ZNF365: variants seen among roughly 807,000 people sequenced by gnomAD.
The protein encoded by ZNF365 is protein ZNF365.
In ZNF365, 22 loss-of-function variants were observed where a neutral mutation model predicts 35.0. The ratio of observed to expected loss-of-function variants is 0.63; its 90% CI spans 0.45 to 0.90. ZNF365 has a LOEUF of 0.90. Among genes scored for constraint, ZNF365 ranks in the 40% least tolerant of loss-of-function variants. The pLI is 0.00. For missense variants in ZNF365, 448 were observed against 500.3 expected (o/e 0.90, Z 1.00); for synonymous variants, 188 against 196.2 (o/e 0.96, Z 0.35).
chr10:62,397,556 G>C (rs1479235644), intron 3 of ZNF365, among the ~76,000 whole-genome samples: 1 of 152,168 alleles, frequency 6.6e-6, no homozygotes, highest in Non-Finnish European at 1.5e-5. Flanking sequence ...CTATACACTG[G>C]ATGGTGACAT....
downstream of ZNF365, among the ~76,000 whole-genome samples, chr10:62,406,625 T>A (rs1197466501): frequency 6.6e-6 from 1 of 152,120 alleles, no homozygotes; most frequent in East Asian, 1.9e-4. Flanking sequence ...TTCTTCCAGC[T>A]GGGGAGGATC....
chr10:62,468,606 G>A (rs538742106), intron 4 of ZNF365, among the ~76,000 whole-genome samples: 1 of 152,250 alleles, frequency 6.6e-6, no homozygotes, highest in South Asian at 2.1e-4. Flanking sequence ...AGTTTATGAG[G>A]ACAATGCCCC....
At chr10:62,434,435 T>C (rs1840377685) in intron 3 of ZNF365, among the ~76,000 whole-genome samples, 1 of 152,188 alleles carries the variant, frequency 6.6e-6, no homozygotes, top group Non-Finnish European at 1.5e-5. Context: ...AAGGACTGTG[T>C]GTTGTCCCTG....
At chr10:62,431,042 GGGGAAAACCAAAGCAGTT>G (rs1235156807) in intron 3 of ZNF365, among the ~76,000 whole-genome samples, 4 of 152,154 alleles carry the variant, frequency 2.6e-5, no homozygotes, top group Non-Finnish European at 5.9e-5. Context: ...TTTAGCCAAA[GGGGAAAACCAAAGCAGTT>G]GGTAAAAGTC....
At chr10:62,418,486 C>T in intron 3 of ZNF365, among the ~76,000 whole-genome samples, 1 of 151,886 alleles carries the variant, frequency 6.6e-6, no homozygotes, top group East Asian at 1.9e-4. Context: ...TGTGCAGCAA[C>T]CAATCAGAAG....
rs1839820749 is a variant in ZNF365, at chr10:62,401,127, TATAC to T, written c.*1342_*1345del. On this transcript the variant is annotated 3_prime_UTR_variant, in exon 5 of 5. Transcript: ENST00000395254. The stretch of plus-strand genomic sequence containing the variant: ...ACAGGAATAATTTTGTCCACAAATA[TATAC>T]ATATATACATATATATAACACATAC... 7 of 964,686 alleles carry T rather than the reference TATAC, an allele frequency of 7.3e-6. No individual in the cohort carries two copies. The highest frequency in any genetic ancestry group is 8.6e-6 in the Non-Finnish European group (7 of 811,304). The allele number at this position is 964,686 out of a possible 1,614,324, so 59.8% of individuals were successfully genotyped here. A position where few individuals can be genotyped will look rare whatever the true frequency, so the allele number is the denominator to read the frequency against.
At chr10:62,413,471 A>C (rs1239161280) in intron 3 of ZNF365, among the ~76,000 whole-genome samples, 3 of 152,150 alleles carry the variant, frequency 2.0e-5, no homozygotes, top group African/African-American at 7.2e-5. Context: ...TCAGAATAAT[A>C]TTATAGTAAA....
At chr10:62,405,118 A>G (rs1488388933), downstream of ZNF365, among the ~76,000 whole-genome samples, 2 of 152,166 alleles carry the variant, frequency 1.3e-5, no homozygotes, top group Admixed American at 6.6e-5. Context: ...AAGAGAAGGT[A>G]CATTTTTTGT....
At chr10:62,394,467 T>C (rs1839688743) in intron 3 of ZNF365, among the ~76,000 whole-genome samples, 1 of 152,198 alleles carries the variant, frequency 6.6e-6, no homozygotes, top group South Asian at 2.1e-4. Flanking sequence ...AGGACATAAA[T>C]GCAACACTTA....
intron 3 of ZNF365, among the ~76,000 whole-genome samples, chr10:62,445,908 A>T (rs888254391): frequency 6.6e-5 from 10 of 152,144 alleles, no homozygotes; most frequent in African/African-American, 2.4e-4. Context: ...AGCATCTTCT[A>T]TTGACTGTAG....
chr10:62,405,768 G>GCTGACTAA (rs1839895938), downstream of ZNF365, among the ~76,000 whole-genome samples: 1 of 152,172 alleles, frequency 6.6e-6, no homozygotes, highest in Non-Finnish European at 1.5e-5. Flanking sequence ...TTGGTTGTTT[G>GCTGACTAA]CTGACTAACA....
intron 3 of ZNF365, among the ~76,000 whole-genome samples, chr10:62,445,285 A>T (rs531823832): frequency 2.6e-5 from 4 of 151,340 alleles, no homozygotes; most frequent in Admixed American, 6.6e-5. Context: ...CTTTGGGTAT[A>T]TACCCAGTAA....
chr10:62,430,253 GTTTTTTT>G (rs34778344), intron 3 of ZNF365, among the ~76,000 whole-genome samples: 1 of 101,914 alleles, frequency 9.8e-6, no homozygotes, highest in Admixed American at 1.0e-4. Context: ...TTTGGAAAAG[GTTTTTTT>G]TTTTTTTTTT....
rs117319405 is a variant in ZNF365 at position 62,393,684 on chromosome 10, A to G, written c.925-5056A>G. Among the ~76,000 whole-genome samples, 1,302 of 152,376 alleles carry G rather than the reference A, an allele frequency of 8.5e-3. 9 individuals carry two copies. The highest frequency in any genetic ancestry group is 0.014 in the Middle Eastern group (4 of 294). ...CATACACAAATGGTGGGAAATTAATAAATATTTATGTTTGTACCTTCTGTA... is the reference window on the plus strand; with the variant it reads ...CATACACAAATGGTGGGAAATTAATGAATATTTATGTTTGTACCTTCTGTA... On this transcript the variant is annotated intron_variant, in intron 3 of 4. Coordinates refer to ENST00000395254, the MANE Select transcript of ZNF365 (RefSeq NM_014951.3).
intron 3 of ZNF365, among the ~76,000 whole-genome samples, chr10:62,416,710 T>C (rs1456626405): frequency 6.6e-6 from 1 of 152,082 alleles, no homozygotes; most frequent in Non-Finnish European, 1.5e-5. Flanking sequence ...ATTTTGGTGT[T>C]TTTTGTTTGT....
At chr10:62,410,593 A>G (rs1016816053) in intron 3 of ZNF365, among the ~76,000 whole-genome samples, 3 of 152,030 alleles carry the variant, frequency 2.0e-5, no homozygotes, top group African/African-American at 7.3e-5. Flanking sequence ...TTCAGCTCCA[A>G]CTTATAAGTG....
intron 3 of ZNF365, among the ~76,000 whole-genome samples, chr10:62,439,978 T>C (rs1165254587): frequency 6.6e-6 from 1 of 152,196 alleles, no homozygotes; most frequent in Non-Finnish European, 1.5e-5. Context: ...TTTTCCTTTG[T>C]CCTGTCCGCA....
chr10:62,404,852 A>G (rs181558894), downstream of ZNF365, among the ~76,000 whole-genome samples: 1 of 152,322 alleles, frequency 6.6e-6, no homozygotes, highest in African/African-American at 2.4e-5. Context: ...TTGATTTTGG[A>G]GATTTTATTT....
Position 62,376,356 on chromosome 10 carries a change from G to C in ZNF365, c.163G>C (p.Glu55Gln), listed in dbSNP as rs958114326. 1.2e-5 allele frequency: 19 copies of C among 1,614,166 alleles called. No individual in the cohort carries two copies. In the East Asian group the frequency reaches 4.2e-4, roughly 36 times the overall value. Residue 55 changes from glutamate to glutamine, a missense_variant, in exon 2 of 5, where the codon GAA (glutamate) becomes CAA (glutamine). This residue lies in a region of ZNF365 where 76 missense variants were observed against 96.7 expected (regional missense o/e 0.79). Coordinates refer to ENST00000395254, the MANE Select transcript of ZNF365 (RefSeq NM_014951.3). ...AHLEFSHSYE[E>Q]RTLLTKCSLF... ...TCTGGAGTTCAGTCACAGCTACGAA[G>C]AAAGAACCCTCTTGACAAAATGCAG... is the stretch of plus-strand genomic sequence containing the variant.
Sources: gnomAD v4.1 joint callset for allele counts (sites outside exome capture counted in the v4.1 genomes callset) on GRCh38, gnomAD v4.1.1 for gene constraint, gnomAD v4.1.1 regional missense constraint, MANE v1.5 for transcripts, NCBI Gene and HGNC (gene_info 2026-07-23, HGNC 2026-07-21) for gene names.